Variants in CSMD1 observed in about 807,000 individuals in gnomAD.
CSMD1 encodes CUB and Sushi multiple domains 1, also known as CUB and sushi domain-containing protein 1.
CSMD1 carries 213 observed loss-of-function variants against 417.5 expected under a neutral mutation model. The ratio of observed to expected loss-of-function variants is 0.51; its 90% CI spans 0.46 to 0.57. CSMD1 has a LOEUF of 0.57. Ranked by LOEUF, CSMD1 falls within the 20% of genes least tolerant of loss-of-function variation. The pLI is 0.00. For missense variants in CSMD1, 6,923 were observed against 4,529.7 expected, an observed-to-expected ratio of 1.53 and a Z score of -15.17; for synonymous variants, 2,862 against 1,736.8, an observed-to-expected ratio of 1.65 and a Z score of -16.11.
chr8:3,333,316 T>C (rs565590879), intron 23 of CSMD1, among the ~76,000 whole-genome samples: 1 of 152,286 alleles, frequency 6.6e-6, no homozygotes, highest in African/African-American at 2.4e-5. Context: ...CCTACACGTG[T>C]GGTATTTTGT....
intron 2 of CSMD1, among the ~76,000 whole-genome samples, chr8:4,561,763 C>G (rs932715230): frequency 6.6e-6 from 1 of 152,176 alleles, no homozygotes; most frequent in African/African-American, 2.4e-5. Flanking sequence ...TTTGCAGACA[C>G]TTTACCTGTG....
intron 3 of CSMD1, among the ~76,000 whole-genome samples, chr8:4,280,164 A>C (rs149770079): frequency 6.6e-6 from 1 of 152,352 alleles, no homozygotes; most frequent in East Asian, 1.9e-4. Context: ...AAGTACGCTT[A>C]AAAGAAGATT....
chr8:4,540,003 C>T (rs926542926), intron 2 of CSMD1, among the ~76,000 whole-genome samples: 1 of 152,136 alleles, frequency 6.6e-6, no homozygotes. Flanking sequence ...AGCCGCTCAC[C>T]GGGGCCCTCT....
At position 3,931,654 on chromosome 8, in the gene CSMD1, T is replaced by G. The variant is rs141352864; in HGVS notation, c.818+66249A>C. ...AGTGCCTCAGGATGTCTTTTCACCT[T>G]GTATAGTTCTAAAAAACAAACAAAC... On this transcript the variant is annotated intron_variant, in intron 5 of 69. Transcript: ENST00000635120. 1.6e-3 allele frequency among the ~76,000 whole-genome samples: 238 copies of G among 149,730 alleles called. 8 individuals carry two copies. Among genetic ancestry groups the G allele is most frequent in the Admixed American group, 0.015 (225 of 14,988 alleles).
intron 2 of CSMD1, among the ~76,000 whole-genome samples, chr8:4,449,649 C>G (rs147938316): frequency 1.2e-4 from 18 of 152,212 alleles, no homozygotes; most frequent in Non-Finnish European, 2.5e-4. Flanking sequence ...CCACATAGAT[C>G]ATGAACATAA....
chr8:3,413,824 A>G (rs1368000416), intron 12 of CSMD1, among the ~76,000 whole-genome samples: 3 of 152,116 alleles, frequency 2.0e-5, no homozygotes, highest in Non-Finnish European at 4.4e-5. Flanking sequence ...GTCAGAGACG[A>G]TTTTAACACA....
At chr8:3,929,517 G>C (rs1270206099) in intron 5 of CSMD1, among the ~76,000 whole-genome samples, 1 of 150,388 alleles carries the variant, frequency 6.6e-6, no homozygotes, top group Non-Finnish European at 1.5e-5. Flanking sequence ...GAAATTCAAA[G>C]TCAACGTCCA....
intron 2 of CSMD1, among the ~76,000 whole-genome samples, chr8:4,579,121 A>C (rs569544736): frequency 6.0e-4 from 92 of 152,144 alleles, no homozygotes; most frequent in African/African-American, 2.0e-3. Flanking sequence ...AACATGCAGG[A>C]AGAGCAGTAA....
chr8:3,940,136 A>G (rs549029891), intron 5 of CSMD1, among the ~76,000 whole-genome samples: 2 of 152,268 alleles, frequency 1.3e-5, no homozygotes, highest in Middle Eastern at 3.4e-3. Context: ...TAGTACTACT[A>G]TACAAGTTAT....
chr8:3,310,567 T>C (rs567948621), intron 23 of CSMD1, among the ~76,000 whole-genome samples: 176 of 152,310 alleles, frequency 1.2e-3, no homozygotes, highest in African/African-American at 4.2e-3. Flanking sequence ...TCCAATGTCA[T>C]TGGAACATAC....
chr8:4,871,165 C>A (rs181363399), intron 1 of CSMD1, among the ~76,000 whole-genome samples: 1 of 152,050 alleles, frequency 6.6e-6, no homozygotes, highest in Non-Finnish European at 1.5e-5. Flanking sequence ...AAATAAGTAG[C>A]ATGGGATTCA....
Position 4,913,787 on chromosome 8 carries a change from G to A in CSMD1, c.85+80545C>T, listed in dbSNP as rs539429608. Among the ~76,000 whole-genome samples, 4 of 152,272 alleles carry A rather than the reference G, an allele frequency of 2.6e-5. No individual in the cohort carries two copies. The South Asian group carries it at 6.2e-4, about 24-fold the overall frequency. On this transcript the variant is annotated intron_variant, in intron 1 of 69. Transcript: ENST00000635120. ...AGAATTAGGGAGTCACTGCCAAATT[G>A]CACGCCAACCTTCCCACCAGACTCT...
chr8:3,682,514 A>G (rs563653598), intron 7 of CSMD1, among the ~76,000 whole-genome samples: 7 of 152,316 alleles, frequency 4.6e-5, no homozygotes, highest in Admixed American at 2.0e-4. Flanking sequence ...AACAGTTGGA[A>G]TGGCGATCAT....
chr8:4,031,820 T>C (rs1797361291), intron 4 of CSMD1, 85 bp downstream of exon 4: 1 of 1,057,882 alleles, frequency 9.5e-7, no homozygotes, highest in Non-Finnish European at 1.3e-6. Flanking sequence ...ATTATTTTCA[T>C]TTAAGTGGAA....
intron 3 of CSMD1, among the ~76,000 whole-genome samples, chr8:4,082,319 A>C (rs1395051287): frequency 1.3e-5 from 2 of 152,204 alleles, no homozygotes; most frequent in Non-Finnish European, 2.9e-5. Flanking sequence ...TTAATATTTG[A>C]TATTACAAAC....
intron 3 of CSMD1, among the ~76,000 whole-genome samples, chr8:4,160,480 G>C (rs1015744085): frequency 6.6e-6 from 1 of 152,150 alleles, no homozygotes; most frequent in African/African-American, 2.4e-5. Flanking sequence ...GTGTCTTCAT[G>C]AGGTCCGAAC....
chr8:3,425,303 G>C (rs979081992), intron 12 of CSMD1, among the ~76,000 whole-genome samples: 4 of 152,124 alleles, frequency 2.6e-5, no homozygotes, highest in Non-Finnish European at 4.4e-5. Context: ...AAAATGCCCT[G>C]TCCCAGCTGG....
intron 18 of CSMD1, among the ~76,000 whole-genome samples, chr8:3,377,234 A>G (rs1273394641): frequency 6.6e-6 from 1 of 151,808 alleles, no homozygotes; most frequent in Non-Finnish European, 1.5e-5. Flanking sequence ...CTGGCCTCGA[A>G]CTCCTGGGCC....
At chr8:4,124,937 C>G (rs1241802933) in intron 3 of CSMD1, among the ~76,000 whole-genome samples, 1 of 152,156 alleles carries the variant, frequency 6.6e-6, no homozygotes, top group African/African-American at 2.4e-5. Flanking sequence ...GAAACAGCAA[C>G]TCTTCCGGGT....
Sources: gnomAD v4.1 joint callset for allele counts (sites outside exome capture counted in the v4.1 genomes callset) on GRCh38, gnomAD v4.1.1 for gene constraint, MANE v1.5 for transcripts, NCBI Gene and HGNC (gene_info 2026-07-23, HGNC 2026-07-21) for gene names.